Variants in GTF2E1 observed in about 807,000 individuals in gnomAD.
GTF2E1 encodes TFIIE alpha subunit.
A neutral mutation model predicts 34.9 loss-of-function variants in GTF2E1; 14 were observed. The ratio of observed to expected loss-of-function variants is 0.40; its 90% CI spans 0.27 to 0.63. The LOEUF (loss-of-function observed/expected upper bound fraction) is 0.63, where lower values mean the gene tolerates loss of function less well. Among genes scored for constraint, GTF2E1 ranks in the 20% least tolerant of loss-of-function variants. The probability of loss-of-function intolerance (pLI) is 0.39; values close to 1 mark genes in which losing one functional copy is unlikely to be tolerated. For missense variants in GTF2E1, 469 were observed against 557.7 expected (o/e 0.84, Z 1.60); for synonymous variants, 188 against 192.9 (o/e 0.97, Z 0.21).
chr3:120,758,538 G>A (rs972142427), intron 2 of GTF2E1, among the ~76,000 whole-genome samples: 2 of 151,818 alleles, frequency 1.3e-5, no homozygotes, highest in African/African-American at 2.4e-5. Flanking sequence ...CGTCATTTAC[G>A]TTAGGTATTT....
At chr3:120,760,243 G>A (rs2107608357) in intron 2 of GTF2E1, among the ~76,000 whole-genome samples, 1 of 152,238 alleles carries the variant, frequency 6.6e-6, no homozygotes, top group African/African-American at 2.4e-5. Context: ...TATTATTGGT[G>A]TGTATGAATG....
intron 4 of GTF2E1, among the ~76,000 whole-genome samples, chr3:120,780,198 G>C (rs973064344): frequency 6.6e-6 from 1 of 152,118 alleles, no homozygotes; most frequent in Non-Finnish European, 1.5e-5. Context: ...ATATATCCAT[G>C]AATAAACAAG....
intron 1 of GTF2E1, among the ~76,000 whole-genome samples, chr3:120,745,905 T>C (rs1419087468): frequency 1.3e-5 from 2 of 152,176 alleles, no homozygotes; most frequent in Non-Finnish European, 1.5e-5. Flanking sequence ...CCTTAAGCCC[T>C]GGGGTAGCAG....
In GTF2E1 at chr3:120,750,965, A is replaced by C; in HGVS notation, c.413A>C (p.Asp138Ala). ...KCPVCSSTFT[D>A]LEANQLFDPM... ...CCTGTCTGTAGTAGTACTTTCACAGACTTAGAAGCTAATCAGCTCTTTGAT... is the reference window on the plus strand; with the variant it reads ...CCTGTCTGTAGTAGTACTTTCACAGCCTTAGAAGCTAATCAGCTCTTTGAT... The change falls in exon 2 of 5, where the codon GAC becomes GCC. Residue 138 changes from aspartate (D) to alanine (A), a missense_variant. Physicochemically the swap from Asp to Ala is moderately radical, Grantham distance 126. Coordinates refer to ENST00000283875, the MANE Select transcript of GTF2E1 (RefSeq NM_005513.3). 1 of 1,613,658 alleles carries C rather than the reference A, an allele frequency of 6.2e-7. No individual in the cohort carries two copies. The highest frequency in any genetic ancestry group is 8.5e-7 in the Non-Finnish European group (1 of 1,179,664).
At chr3:120,744,938 T>C (rs532978493) in intron 1 of GTF2E1, among the ~76,000 whole-genome samples, 20 of 152,254 alleles carry the variant, frequency 1.3e-4, no homozygotes, top group Non-Finnish European at 2.9e-4. Flanking sequence ...TTTTTTTTTT[T>C]TTGAGGGTCC....
At chr3:120,774,053 T>TTA (rs1242532075) in intron 3 of GTF2E1, among the ~76,000 whole-genome samples, 4 of 152,154 alleles carry the variant, frequency 2.6e-5, no homozygotes, top group African/African-American at 4.8e-5. Context: ...GTGTTCAGGA[T>TTA]TATATATAAA....
intron 2 of GTF2E1, among the ~76,000 whole-genome samples, chr3:120,756,818 C>T (rs780754909): frequency 6.6e-5 from 10 of 151,916 alleles, no homozygotes; most frequent in Non-Finnish European, 1.0e-4. Context: ...CTCAGCTACT[C>T]GGGAGGCTGA....
At chr3:120,762,130 C>G (rs1218971594) in intron 2 of GTF2E1, among the ~76,000 whole-genome samples, 1 of 152,084 alleles carries the variant, frequency 6.6e-6, no homozygotes. Flanking sequence ...TATTTTACTA[C>G]CAATTATGTG....
intron 2 of GTF2E1, among the ~76,000 whole-genome samples, chr3:120,751,398 A>T (rs139903615): frequency 8.9e-4 from 135 of 152,326 alleles, no homozygotes; most frequent in Non-Finnish European, 1.7e-3. Context: ...AGGAGTATAT[A>T]ACTAGGGCAT....
rs750431399 is a variant in GTF2E1 at position 120,770,754 on chromosome 3, A to G, written c.475A>G (p.Thr159Ala). 12 of 1,613,432 alleles carry G rather than the reference A, an allele frequency of 7.4e-6. No individual in the cohort carries two copies. Among genetic ancestry groups the G allele is most frequent in the Non-Finnish European group, 1.0e-5 (12 of 1,179,554 alleles). ...TGTFRCTFCH[T>A]EVEEDESAMP... ...AACTTTCCGCTGTACTTTTTGCCAT[A>G]CAGAGGTAGAAGAGGATGAATCAGC... is the stretch of plus-strand genomic sequence containing the variant. Residue 159 changes from threonine (T) to alanine (A), a missense_variant, in exon 3 of 5, where the codon ACA becomes GCA. Coordinates refer to ENST00000283875, the MANE Select transcript of GTF2E1 (RefSeq NM_005513.3).
intron 3 of GTF2E1, 32 bp downstream of exon 3, chr3:120,770,961 C>T: frequency 1.3e-6 from 2 of 1,559,724 alleles, no homozygotes; most frequent in Non-Finnish European, 1.8e-6. Context: ...TTACTAAGAA[C>T]ACATTTCAAC....
At chr3:120,780,280 A>G (rs1238051731) in intron 4 of GTF2E1, among the ~76,000 whole-genome samples, 2 of 152,220 alleles carry the variant, frequency 1.3e-5, no homozygotes, top group African/African-American at 4.8e-5. Context: ...TAAGTTATTC[A>G]TTATGTTAGG....
At chr3:120,750,500 T>A (rs1709155224) in intron 1 of GTF2E1, 23 bp from the exon 2 acceptor site, 1 of 1,435,930 alleles carries the variant, frequency 7.0e-7, no homozygotes, top group Admixed American at 1.9e-5. Context: ...CCTGGCTAAT[T>A]TTCTGTTTTT....
intron 2 of GTF2E1, among the ~76,000 whole-genome samples, chr3:120,754,496 T>C (rs1483834329): frequency 6.6e-6 from 1 of 152,138 alleles, no homozygotes; most frequent in African/African-American, 2.4e-5. Context: ...TTGGGCACTT[T>C]GGGGGTATCT....
At chr3:120,776,090 A>G (rs1709396267) in intron 3 of GTF2E1, among the ~76,000 whole-genome samples, 1 of 152,238 alleles carries the variant, frequency 6.6e-6, no homozygotes, top group Non-Finnish European at 1.5e-5. Flanking sequence ...AGTGGCTTTA[A>G]GTAGATGATG....
chr3:120,770,792 A>C lies in GTF2E1; in HGVS notation c.513A>C (p.Lys171Asn), dbSNP rs778005543. Reference sequence around the variant, plus strand: ...AGGATGAATCAGCAATGCCCAAAAAAGATGCACGCACACTTTTGGCAAGGT... The same window carrying C: ...AGGATGAATCAGCAATGCCCAAAAACGATGCACGCACACTTTTGGCAAGGT... ...VEEDESAMPKKDARTLLARFN... is the reference protein window; with the variant it reads ...VEEDESAMPKNDARTLLARFN... Residue 171 changes from lysine (K) to asparagine (N), a missense_variant, in exon 3 of 5, where the codon AAA (lysine) becomes AAC (asparagine). Lys to Asn is a moderately conservative substitution (Grantham distance 94, BLOSUM62 0). Transcript: ENST00000283875. 2 of 1,613,648 alleles carry C rather than the reference A, an allele frequency of 1.2e-6. No individual in the cohort carries two copies. Among genetic ancestry groups the C allele is most frequent in the South Asian group, 2.2e-5 (2 of 91,080 alleles).
intron 4 of GTF2E1, among the ~76,000 whole-genome samples, chr3:120,780,660 C>G (rs1345311370): frequency 6.6e-6 from 1 of 152,196 alleles, no homozygotes; most frequent in Non-Finnish European, 1.5e-5. Context: ...GCCAGCTACT[C>G]TAGTCGATTC....
chr3:120,772,525 A>G (rs1160947110), intron 3 of GTF2E1, among the ~76,000 whole-genome samples: 1 of 152,094 alleles, frequency 6.6e-6, no homozygotes, highest in Non-Finnish European at 1.5e-5. Context: ...TTGAAAAAGG[A>G]ATTTTTCTTT....
chr3:120,773,433 A>T (rs952600802), intron 3 of GTF2E1, among the ~76,000 whole-genome samples: 2 of 152,114 alleles, frequency 1.3e-5, no homozygotes, highest in Non-Finnish European at 2.9e-5. Flanking sequence ...TTGATTACTG[A>T]TCTGTAATCA....
Sources: gnomAD v4.1 joint callset for allele counts (sites outside exome capture counted in the v4.1 genomes callset) on GRCh38, gnomAD v4.1.1 for gene constraint, MANE v1.5 for transcripts, NCBI Gene and HGNC (gene_info 2026-07-23, HGNC 2026-07-21) for gene names.